The following MUC5B variants were observed in gnomAD, a reference collection of about 807,000 sequenced individuals.
The protein encoded by MUC5B is mucin-5B.
MUC5B carries 116 observed loss-of-function variants against 376.9 expected under a neutral mutation model. The ratio of observed to expected loss-of-function variants is 0.31; its 90% confidence interval spans 0.26 to 0.36. MUC5B has a LOEUF of 0.36. Ranked by LOEUF, MUC5B falls within the 10% of genes least tolerant of loss-of-function variation. The probability of loss-of-function intolerance (pLI) is 1.00; values close to 1 mark genes in which losing one functional copy is unlikely to be tolerated. For missense variants in MUC5B, 7,165 were observed against 7,769.9 expected (o/e 0.92, Z 2.93); for synonymous variants, 3,517 against 3,390.9 (o/e 1.04, Z -1.29).
chr11:1,248,929 T>C lies in MUC5B; in HGVS notation c.12049T>C (p.Ser4017Pro), dbSNP rs200544884. Residue 4017 changes from serine to proline, a missense_variant, in exon 31 of 49, where the codon TCC becomes CCC. Ser to Pro is a moderately conservative substitution (Grantham distance 74). Around this residue, in one of 31 missense-constraint regions of MUC5B, gnomAD observed 47 missense variants for 98.5 expected, o/e 0.48. Transcript: ENST00000529681. ...GGCCACCACACACGGGCGATCCCTGTCCCCCAGCAGTCCCCACACGGTGCG... is the reference window on the plus strand; with the variant it reads ...GGCCACCACACACGGGCGATCCCTGCCCCCCAGCAGTCCCCACACGGTGCG... ...TTATTHGRSL[S>P]PSSPHTVRTA... 2.1e-3 allele frequency: 3,376 copies of C among 1,582,232 alleles called. 11 individuals carry two copies. Among genetic ancestry groups the C allele is most frequent in the African/African-American group, 4.2e-3 (301 of 72,120 alleles).
chr11:1,251,065 C>G lies in MUC5B; in HGVS notation c.14185C>G (p.Pro4729Ala). Residue 4729 changes from proline (P) to alanine (A), a missense_variant, in exon 31 of 49, where the codon CCA becomes GCA. By Grantham distance (27) the Pro-to-Ala change is conservative. Transcript: ENST00000529681. ...CTCCAAAGCCACTTCCTCCTCCAGT[C>G]CAAGGACTGCAACCACCCTTCCAGT... ...TSSKATSSSS[P>A]RTATTLPVLT... The G allele has an allele frequency of 6.2e-7, 1 of 1,611,430 alleles. No individual in the cohort carries two copies. The highest frequency in any genetic ancestry group is 1.3e-5 in the African/African-American group (1 of 74,860).
chr11:1,242,610 G>A lies in MUC5B; in HGVS notation c.5730G>A (p.Pro1910=), dbSNP rs768284204. ...GGACGACCTGGATCCTCACAAAGCCGACCACAACAGCCACTACGACTGCGT... is the reference window on the plus strand; with the variant it reads ...GGACGACCTGGATCCTCACAAAGCCAACCACAACAGCCACTACGACTGCGT... ...TPGTTWILTK[P]TTTATTTAST... is the part of the protein sequence containing the mutation. The change falls in exon 31 of 49, where the codon CCG becomes CCA. Residue 1910 remains proline, a synonymous_variant. Coordinates refer to ENST00000529681, the MANE Select transcript of MUC5B (RefSeq NM_002458.3). The A allele has an allele frequency of 1.1e-5, 18 of 1,613,124 alleles. No individual in the cohort carries two copies. The highest frequency in any genetic ancestry group is 4.0e-5 in the African/African-American group (3 of 74,616).
chr11:1,247,041 C>T lies in MUC5B; in HGVS notation c.10161C>T (p.Pro3387=). The stretch of plus-strand genomic sequence containing the variant: ...CTAGCACACAGACCAGTGGTACTCC[C>T]CCATCACTGACCACCACGGCCACTA... ...PSSSTQTSGT[P]PSLTTTATTI... The change falls in exon 31 of 49, where the codon CCC becomes CCT. Residue 3387 remains proline, a synonymous_variant. Transcript: ENST00000529681. The T allele has an allele frequency of 1.3e-6, 2 of 1,554,274 alleles. No individual in the cohort carries two copies. The highest frequency in any genetic ancestry group is 1.7e-6 in the Non-Finnish European group (2 of 1,148,626).
chr11:1,235,273 C>T (rs756003342), intron 22 of MUC5B, 30 bp from the exon 23 acceptor site: 15 of 1,610,398 alleles, frequency 9.3e-6, no homozygotes, highest in East Asian at 2.2e-5. Context: ...CTCCAGCCCG[C>T]GGCCAGCAGC....
intron 44 of MUC5B, among the ~76,000 whole-genome samples, chr11:1,259,350 A>G (rs1862939341): frequency 6.6e-6 from 1 of 152,122 alleles, no homozygotes. Context: ...ACCTGCCCCC[A>G]GGTGAGCCCA....
At chr11:1,239,603 C>T in intron 27 of MUC5B, 37 bp downstream of exon 27, 1 of 1,539,416 alleles carries the variant, frequency 6.5e-7, no homozygotes, top group South Asian at 1.2e-5. Flanking sequence ...GCCTCCTCTC[C>T]TTGGGTTCCC....
Position 1,236,452 on chromosome 11 carries a change from C to T in MUC5B, c.2947C>T (p.Pro983Ser). ...GGCGAGAGGGCCGGGTGGGGACCCA[C>T]CCTACAAGATACGCTACATGGGGAT... ...AVARGPGGDP[P>S]YKIRYMGIFL... is the part of the protein sequence containing the mutation. Residue 983 changes from proline (P) to serine (S), a missense_variant, in exon 24 of 49, where the codon CCC (proline) becomes TCC (serine). This residue lies in a region of MUC5B where 530 missense variants were observed against 604.0 expected (regional missense o/e 0.88). Transcript: ENST00000529681. 6.2e-7 allele frequency: 1 copy of T among 1,612,924 alleles called. No homozygotes were observed. The highest frequency in any genetic ancestry group is 1.3e-5 in the African/African-American group (1 of 75,038).
chr11:1,249,050 G>T lies in MUC5B; in HGVS notation c.12170G>T (p.Gly4057Val). The change falls in exon 31 of 49, where the codon GGT becomes GTT. Residue 4057 changes from glycine to valine, a missense_variant. By Grantham distance (109) the Gly-to-Val change is moderately radical. Transcript: ENST00000529681. ...TCCCACACCCCAGCAGCAACCACCG[G>T]TACCACCCAGCACTCGACTCCAGCC... is the stretch of plus-strand genomic sequence containing the variant. Reference protein sequence around the residue: ...GTSHTPAATTGTTQHSTPALS... With the variant: ...GTSHTPAATTVTTQHSTPALS... 2.5e-6 allele frequency: 4 copies of T among 1,609,292 alleles called. No individual in the cohort carries two copies. The highest frequency in any genetic ancestry group is 3.4e-6 in the Non-Finnish European group (4 of 1,179,090).
Position 1,250,379 on chromosome 11 carries a change from G to A in MUC5B, c.13499G>A (p.Ser4500Asn). 1 of 1,612,612 alleles carries A rather than the reference G, an allele frequency of 6.2e-7. No homozygotes were observed. The highest frequency in any genetic ancestry group is 8.5e-7 in the Non-Finnish European group (1 of 1,179,414). The stretch of plus-strand genomic sequence containing the variant: ...AGCTCCAAAGCCACTCCCTCCTCCA[G>A]TCCAGGGACTGCAACTGCCCTTCCA... ...VTSSKATPSS[S>N]PGTATALPAL... Residue 4500 changes from serine to asparagine, a missense_variant, in exon 31 of 49, where the codon AGT (serine) becomes AAT (asparagine). By Grantham distance (46) the Ser-to-Asn change is conservative. Transcript: ENST00000529681.
chr11:1,241,276 A>G lies in MUC5B; in HGVS notation c.4396A>G (p.Thr1466Ala). ...TPTQTTATEKTTLWVTPSIRS... is the reference protein window; with the variant it reads ...TPTQTTATEKATLWVTPSIRS... ...AACCCAGACCACAGCAACCGAAAAG[A>G]CCACCCTATGGGTGACCCCGAGCAT... The change falls in exon 31 of 49, where the codon ACC becomes GCC. Residue 1466 changes from threonine (T) to alanine (A), a missense_variant. Transcript: ENST00000529681. The G allele has an allele frequency of 1.3e-6, 2 of 1,596,102 alleles. No individual in the cohort carries two copies. The highest frequency in any genetic ancestry group is 1.7e-6 in the Non-Finnish European group (2 of 1,171,580).
In MUC5B at chr11:1,247,065, T is replaced by C; in HGVS notation, c.10185T>C (p.Thr3395=). The C allele has an allele frequency of 6.4e-7, 1 of 1,557,058 alleles. No homozygotes were observed. The highest frequency in any genetic ancestry group is 8.7e-7 in the Non-Finnish European group (1 of 1,151,474). Residue 3395 remains threonine (T), a synonymous_variant, in exon 31 of 49, where the codon ACT becomes ACC. Transcript: ENST00000529681. ...GTPPSLTTTA[T]TITATGSTTN... Reference sequence around the variant, plus strand: ...CCCCATCACTGACCACCACGGCCACTACGATCACAGCCACCGGCTCCACCA... The same window carrying C: ...CCCCATCACTGACCACCACGGCCACCACGATCACAGCCACCGGCTCCACCA...
chr11:1,236,297 G>A (rs1862154920), intron 23 of MUC5B, 89 bp from the exon 24 acceptor site: 2 of 1,357,982 alleles, frequency 1.5e-6, no homozygotes, highest in East Asian at 2.4e-5. Context: ...GTGCGCACCT[G>A]CAGAGCACTG....
chr11:1,257,423 T>C lies in MUC5B; in HGVS notation c.16270-107T>C. 1 of 1,366,102 alleles carries C rather than the reference T, an allele frequency of 7.3e-7. No homozygotes were observed. The highest frequency in any genetic ancestry group is 1.0e-6 in the Non-Finnish European group (1 of 981,258). 84.6% of individuals were successfully genotyped at this position (1,366,102 alleles called of 1,614,324 possible). Reference sequence around the variant, plus strand: ...TGGTGTGCGCTTCCTGCCCCATCACTCTGGGCCACTCGGGTACCAGCCCGA... The same window carrying C: ...TGGTGTGCGCTTCCTGCCCCATCACCCTGGGCCACTCGGGTACCAGCCCGA... On this transcript the variant is annotated intron_variant, in intron 40 of 48. Coordinates refer to ENST00000529681, the MANE Select transcript of MUC5B (RefSeq NM_002458.3). The surrounding 1 kb of genome is among the most constrained non-coding windows in gnomAD (Gnocchi z 8.9).
In MUC5B at chr11:1,232,080, C is replaced by G; in HGVS notation, c.1763C>G (p.Ala588Gly). 2.5e-6 allele frequency: 4 copies of G among 1,612,778 alleles called. No individual in the cohort carries two copies. The highest frequency in any genetic ancestry group is 3.4e-6 in the Non-Finnish European group (4 of 1,179,786). The change falls in exon 15 of 49, where the codon GCC becomes GGC. Residue 588 changes from alanine (A) to glycine (G), a missense_variant. Physicochemically the swap from Ala to Gly is moderately conservative, Grantham distance 60. Around this residue, in one of 31 missense-constraint regions of MUC5B, gnomAD observed 18 missense variants for 54.5 expected, o/e 0.33. Coordinates refer to ENST00000529681, the MANE Select transcript of MUC5B (RefSeq NM_002458.3). Reference protein sequence around the residue: ...GVVEATGAAFANTWKAQAACA... With the variant: ...GVVEATGAAFGNTWKAQAACA... ...GTGGAGGCCACGGGCGCAGCCTTCG[C>G]CAACACCTGGAAGGCCCAGGCTGCC...
At position 1,248,942 on chromosome 11, in the gene MUC5B, C is replaced by T. The variant is rs772346040; in HGVS notation, c.12062C>T (p.Pro4021Leu). ...GGGCGATCCCTGTCCCCCAGCAGTC[C>T]CCACACGGTGCGCACAGCCTGGACT... ...THGRSLSPSS[P>L]HTVRTAWTSA... Residue 4021 changes from proline (P) to leucine (L), a missense_variant, in exon 31 of 49, where the codon CCC (proline) becomes CTC (leucine). Physicochemically the swap from Pro to Leu is moderately conservative, Grantham distance 98. Coordinates refer to ENST00000529681, the MANE Select transcript of MUC5B (RefSeq NM_002458.3). 1.9e-6 allele frequency: 3 copies of T among 1,600,052 alleles called. No homozygotes were observed. In the South Asian group the frequency reaches 3.3e-5, roughly 18 times the overall value.
rs531654067 is a variant in MUC5B at position 1,232,947 on chromosome 11, T to C, written c.2066-66T>C. ...CCACGTCACAGACGGGGATGCTGAG[T>C]TGAAGATGGGGGCTGGCCAGGCTGC... On this transcript the variant is annotated intron_variant, in intron 17 of 48. Transcript: ENST00000529681. 4 of 1,485,004 alleles carry C rather than the reference T, an allele frequency of 2.7e-6. No individual in the cohort carries two copies. The South Asian group carries it at 5.3e-5, about 20-fold the overall frequency. 92.0% of individuals were successfully genotyped at this position (1,485,004 alleles called of 1,614,324 possible).
At position 1,258,026 on chromosome 11, in the gene MUC5B, G is replaced by T. The variant is rs1046852988; in HGVS notation, c.16451-73G>T. 2 of 1,424,936 alleles carry T rather than the reference G, an allele frequency of 1.4e-6. No homozygotes were observed. Among genetic ancestry groups the T allele is most frequent in the Non-Finnish European group, 9.6e-7 (1 of 1,038,896 alleles). 88.3% of individuals were successfully genotyped at this position (1,424,936 alleles called of 1,614,324 possible). On this transcript the variant is annotated intron_variant, in intron 41 of 48. Coordinates refer to ENST00000529681, the MANE Select transcript of MUC5B (RefSeq NM_002458.3). The surrounding 1 kb of genome is among the most constrained non-coding windows in gnomAD (Gnocchi z 5.5). Reference sequence around the variant, plus strand: ...GGTCCTCGGGGAAAAGCACGCCTGCGACTTACTCTGGGAACAAGTGGTCGG... The same window carrying T: ...GGTCCTCGGGGAAAAGCACGCCTGCTACTTACTCTGGGAACAAGTGGTCGG...
At position 1,235,364 on chromosome 11, in the gene MUC5B, G is replaced by A; in HGVS notation, c.2831G>A (p.Cys944Tyr). 1 of 1,612,670 alleles carries A rather than the reference G, an allele frequency of 6.2e-7. No homozygotes were observed. The highest frequency in any genetic ancestry group is 8.5e-7 in the Non-Finnish European group (1 of 1,179,756). The change falls in exon 23 of 49, where the codon TGT becomes TAT. Residue 944 changes from cysteine to tyrosine, a missense_variant. By Grantham distance (194) the Cys-to-Tyr change is radical (BLOSUM62 -2). Transcript: ENST00000529681. ...CGCATCGTCACCGAGAACATCCCCTGTGGGACCACCGGCACCACCTGCTCC... is the reference window on the plus strand; with the variant it reads ...CGCATCGTCACCGAGAACATCCCCTATGGGACCACCGGCACCACCTGCTCC... ...TFRIVTENIP[C>Y]GTTGTTCSKA...
intron 47 of MUC5B, 42 bp from the exon 48 acceptor site, chr11:1,260,584 G>A: frequency 1.3e-6 from 2 of 1,563,236 alleles, no homozygotes; most frequent in Non-Finnish European, 1.8e-6. Flanking sequence ...CCCTCAGAGT[G>A]AGGGTCCAGT....
Sources: allele counts gnomAD v4.1 joint callset (sites outside exome capture counted in the v4.1 genomes callset), GRCh38; gene constraint gnomAD v4.1.1; regional missense constraint gnomAD v4.1.1; non-coding constraint Gnocchi (gnomAD v3.1); transcripts MANE v1.5; gene names NCBI Gene and HGNC (gene_info 2026-07-23, HGNC 2026-07-21).